LARS2: variants seen among roughly 807,000 people sequenced by gnomAD.
LARS2 encodes leucine--tRNA ligase, mitochondrial.
In LARS2, 81 loss-of-function variants were observed where a neutral mutation model predicts 116.6. The ratio of observed to expected loss-of-function variants is 0.69; its 90% CI spans 0.58 to 0.84. The LOEUF is 0.84. Ranked by LOEUF, LARS2 falls within the 40% of genes least tolerant of loss-of-function variation. LARS2 has a pLI of 0.00. For missense variants in LARS2, 968 were observed against 1,114.5 expected (o/e 0.87, Z 1.87); for synonymous variants, 396 against 407.2 (o/e 0.97, Z 0.33).
intron 15 of LARS2, among the ~76,000 whole-genome samples, chr3:45,512,445 A>G (rs930601009): frequency 2.0e-5 from 3 of 152,232 alleles, no homozygotes; most frequent in Non-Finnish European, 2.9e-5. Flanking sequence ...AAAAGTTTAT[A>G]TGTCACTATT....
intron 8 of LARS2, among the ~76,000 whole-genome samples, chr3:45,473,939 A>G (rs1401150017): frequency 6.6e-6 from 1 of 152,186 alleles, no homozygotes; most frequent in Admixed American, 6.5e-5. Flanking sequence ...GAGAGAATGT[A>G]CTAGACACAC....
intron 17 of LARS2, 133 bp from the exon 18 acceptor site, chr3:45,517,770 C>A: frequency 1.5e-6 from 1 of 656,396 alleles, no homozygotes; most frequent in Non-Finnish European, 2.6e-6. Context: ...TTCAGCCTGC[C>A]CTCAGAGGAA....
chr3:45,433,136 C>T (rs1698745767), intron 6 of LARS2, among the ~76,000 whole-genome samples: 1 of 151,928 alleles, frequency 6.6e-6, no homozygotes, highest in Admixed American at 6.5e-5. Context: ...TTTTTACTTT[C>T]AACCCACTTA....
intron 15 of LARS2, among the ~76,000 whole-genome samples, chr3:45,510,757 G>C (rs1700276909): frequency 6.6e-6 from 1 of 152,168 alleles, no homozygotes; most frequent in Admixed American, 6.5e-5. Flanking sequence ...GGACTTGATT[G>C]GGAGGAGGAG....
intron 6 of LARS2, among the ~76,000 whole-genome samples, chr3:45,424,073 G>A (rs578205396): frequency 6.2e-4 from 95 of 152,082 alleles, no homozygotes; most frequent in African/African-American, 2.1e-3. Flanking sequence ...AGCTGCCTTC[G>A]GTACAATACT....
At chr3:45,459,940 TG>T (rs1412000158) in intron 8 of LARS2, among the ~76,000 whole-genome samples, 1 of 152,186 alleles carries the variant, frequency 6.6e-6, no homozygotes, top group Non-Finnish European at 1.5e-5. Context: ...GCCTGTGAGT[TG>T]ATTTGTGAGT....
At chr3:45,526,041 G>C (rs1005919871) in intron 20 of LARS2, among the ~76,000 whole-genome samples, 1 of 152,180 alleles carries the variant, frequency 6.6e-6, no homozygotes, top group Non-Finnish European at 1.5e-5. Context: ...TTCATGAGTT[G>C]AGCAAGATTT....
At chr3:45,421,621 G>T (rs1436466305) in intron 6 of LARS2, 1 of 152,138 alleles carries the variant, frequency 6.6e-6, no homozygotes, top group Non-Finnish European at 1.5e-5. Flanking sequence ...AAGTGGCAAG[G>T]CTGGGCTGAT....
intron 7 of LARS2, among the ~76,000 whole-genome samples, chr3:45,451,972 G>A (rs1056377829): frequency 3.3e-5 from 5 of 151,968 alleles, no homozygotes; most frequent in Admixed American, 1.3e-4. Flanking sequence ...GGGATTACTT[G>A]ATTTCTTTTT....
At chr3:45,545,750 C>A (rs1009747733) in intron 21 of LARS2, among the ~76,000 whole-genome samples, 8 of 152,186 alleles carry the variant, frequency 5.3e-5, no homozygotes, top group African/African-American at 1.9e-4. Context: ...TGACTTAGGA[C>A]CAGCCTGCCC....
chr3:45,424,844 G>A (rs987830881), intron 6 of LARS2, among the ~76,000 whole-genome samples: 6 of 152,064 alleles, frequency 3.9e-5, no homozygotes, highest in South Asian at 2.1e-4. Flanking sequence ...AACACTGTCC[G>A]TATACTCATT....
intron 8 of LARS2, among the ~76,000 whole-genome samples, chr3:45,461,704 G>A (rs114628268): frequency 1.4e-3 from 209 of 152,328 alleles, no homozygotes; most frequent in Non-Finnish European, 2.5e-3. Context: ...GGTGAGAATA[G>A]TAGAGAGAAG....
intron 6 of LARS2, among the ~76,000 whole-genome samples, chr3:45,436,129 C>T (rs1002614947): frequency 7.2e-5 from 11 of 152,068 alleles, no homozygotes; most frequent in African/African-American, 2.4e-4. Flanking sequence ...GGCAGCAAAA[C>T]GGCTCATTTT....
intron 6 of LARS2, among the ~76,000 whole-genome samples, chr3:45,432,287 A>C (rs1163134837): frequency 2.0e-5 from 3 of 152,140 alleles, no homozygotes; most frequent in Non-Finnish European, 4.4e-5. Context: ...GGACTTGAAA[A>C]ATGTAATAAA....
At chr3:45,461,559 G>A (rs1297645209) in intron 8 of LARS2, among the ~76,000 whole-genome samples, 1 of 152,100 alleles carries the variant, frequency 6.6e-6, no homozygotes, top group Non-Finnish European at 1.5e-5. Context: ...AACCACTAAA[G>A]GATTCTAAGG....
chr3:45,437,440 A>G (rs903587735), intron 6 of LARS2, among the ~76,000 whole-genome samples: 4 of 152,242 alleles, frequency 2.6e-5, no homozygotes, highest in Admixed American at 6.5e-5. Flanking sequence ...GGAAAGATAA[A>G]GGAGGTTAGA....
rs1018044787 is a variant in LARS2, at chr3:45,531,167, G to A, written c.2404+7059G>A. 2.0e-5 allele frequency among the ~76,000 whole-genome samples: 3 copies of A among 152,068 alleles called. No individual in the cohort carries two copies. In the South Asian group the frequency reaches 6.2e-4, roughly 32 times the overall value. On this transcript the variant is annotated intron_variant, in intron 20 of 21. Transcript: ENST00000645846. The stretch of plus-strand genomic sequence containing the variant: ...AGTTAAGATTTATTGTGAGTTGATA[G>A]TCTTCTTAATGTTGTCAAATAAAGG...
At chr3:45,527,452 G>A (rs577426858) in intron 20 of LARS2, among the ~76,000 whole-genome samples, 5 of 152,164 alleles carry the variant, frequency 3.3e-5, no homozygotes, top group East Asian at 1.9e-4. Context: ...GTGAAACCCC[G>A]TCTCTACTAA....
In LARS2 at chr3:45,491,639, C is replaced by T; in HGVS notation, c.1362C>T (p.Tyr454=). ...LKDWLISRQR[Y]WGTPIPIVHC... ...ACTGGCTGATTTCACGGCAGCGGTA[C>T]TGGGGCACACCAATCCCCATTGTCC... Residue 454 remains tyrosine (Y), a synonymous_variant, in exon 13 of 22, where the codon TAC becomes TAT. Coordinates refer to ENST00000645846, the MANE Select transcript of LARS2 (RefSeq NM_015340.4). 8 of 1,614,222 alleles carry T rather than the reference C, an allele frequency of 5.0e-6. No homozygotes were observed. Among genetic ancestry groups the T allele is most frequent in the Non-Finnish European group, 6.8e-6 (8 of 1,180,044 alleles).
Sources: allele counts gnomAD v4.1 joint callset (sites outside exome capture counted in the v4.1 genomes callset), GRCh38; gene constraint gnomAD v4.1.1; transcripts MANE v1.5; gene names NCBI Gene and HGNC (gene_info 2026-07-23, HGNC 2026-07-21).